DCC: variants seen among roughly 807,000 people sequenced by gnomAD.
DCC encodes the protein DCC netrin 1 receptor.
A neutral mutation model predicts 172.5 loss-of-function variants in DCC; 58 were observed. That is an observed-to-expected ratio of 0.34 (90% CI 0.27 to 0.42). DCC has a LOEUF of 0.42. Among genes scored for constraint, DCC ranks in the 10% least tolerant of loss-of-function variants. DCC has a pLI of 1.00. For missense variants in DCC, 1,740 were observed against 1,791.0 expected (o/e 0.97, Z 0.51); for synonymous variants, 709 against 644.5 (o/e 1.10, Z -1.52).
At chr18:52,649,269 A>C (rs960600285) in intron 1 of DCC, among the ~76,000 whole-genome samples, 1 of 151,002 alleles carries the variant, frequency 6.6e-6, no homozygotes, top group African/African-American at 2.4e-5. Flanking sequence ...GCTACTTGGG[A>C]GGCTGAGGCA....
rs192931308 is a variant in DCC at position 52,366,386 on chromosome 18, T to C, written c.91+25508T>C. On this transcript the variant is annotated intron_variant, in intron 1 of 28. Transcript: ENST00000442544. ...ACCCGAGCGGGTTGCCAATGCTGGCTCGGGCAGCCTGTTTTTATTCTCTTA... is the reference window on the plus strand; with the variant it reads ...ACCCGAGCGGGTTGCCAATGCTGGCCCGGGCAGCCTGTTTTTATTCTCTTA... 1.3e-3 allele frequency among the ~76,000 whole-genome samples: 195 copies of C among 152,312 alleles called. 1 individual carries two copies. The highest frequency in any genetic ancestry group is 4.4e-3 in the African/African-American group (184 of 41,572).
At chr18:53,081,523 A>G (rs1364462235) in intron 7 of DCC, among the ~76,000 whole-genome samples, 1 of 149,218 alleles carries the variant, frequency 6.7e-6, no homozygotes, top group East Asian at 1.9e-4. Flanking sequence ...ATTAAAAAGA[A>G]AAAAAAAAAG....
At chr18:52,774,270 C>T (rs1431300265) in intron 2 of DCC, among the ~76,000 whole-genome samples, 3 of 152,192 alleles carry the variant, frequency 2.0e-5, no homozygotes, top group Non-Finnish European at 2.9e-5. Context: ...GATTCTGGTG[C>T]ACACTCAAGT....
intron 14 of DCC, among the ~76,000 whole-genome samples, chr18:53,339,177 A>G (rs969350885): frequency 6.6e-6 from 1 of 152,200 alleles, no homozygotes; most frequent in East Asian, 1.9e-4. Flanking sequence ...TTAATAATAA[A>G]TGCATTTTTC....
intron 1 of DCC, among the ~76,000 whole-genome samples, chr18:52,596,880 G>A (rs1361613054): frequency 6.6e-6 from 1 of 152,138 alleles, no homozygotes; most frequent in East Asian, 1.9e-4. Flanking sequence ...AATGCCTTGG[G>A]CCATTCAGGA....
chr18:52,526,971 T>A (rs2032002178), intron 1 of DCC, among the ~76,000 whole-genome samples: 1 of 152,158 alleles, frequency 6.6e-6, no homozygotes, highest in African/African-American at 2.4e-5. Flanking sequence ...TGTTTAAATA[T>A]CCAAAGTCAC....
At position 53,511,948 on chromosome 18, in the gene DCC, C is replaced by T. The variant is rs569162347; in HGVS notation, c.4111+12438C>T. On this transcript the variant is annotated intron_variant, in intron 27 of 28. Coordinates refer to ENST00000442544, the MANE Select transcript of DCC (RefSeq NM_005215.4). Reference sequence around the variant, plus strand: ...AAACAAAGCAACCAGGAAGCTCGAACTGGGTGGAGCCCACCACAGCTCAAG... The same window carrying T: ...AAACAAAGCAACCAGGAAGCTCGAATTGGGTGGAGCCCACCACAGCTCAAG... Among the ~76,000 whole-genome samples the T allele has an allele frequency of 5.9e-5, 9 of 152,354 alleles. No individual in the cohort carries two copies. In the South Asian group the frequency reaches 1.9e-3, roughly 32 times the overall value.
chr18:52,743,986 A>G (rs1191760153), intron 1 of DCC, among the ~76,000 whole-genome samples: 15 of 152,210 alleles, frequency 9.9e-5, no homozygotes, highest in Admixed American at 9.2e-4. Flanking sequence ...ACTCTTCTCT[A>G]GATATGTGAC....
At chr18:53,178,224 A>G (rs530354036) in intron 8 of DCC, among the ~76,000 whole-genome samples, 10 of 152,344 alleles carry the variant, frequency 6.6e-5, no homozygotes, top group African/African-American at 1.4e-4. Context: ...GTCAGCATCC[A>G]TATCCAAACG....
intron 1 of DCC, among the ~76,000 whole-genome samples, chr18:52,709,337 CA>C: frequency 1.3e-5 from 2 of 152,222 alleles, no homozygotes; most frequent in Admixed American, 1.3e-4. Flanking sequence ...CCAAAATAAC[CA>C]TTTGGCTTTA....
At chr18:52,344,815 C>G (rs574908147) in intron 1 of DCC, among the ~76,000 whole-genome samples, 1 of 152,208 alleles carries the variant, frequency 6.6e-6, no homozygotes, top group Admixed American at 6.5e-5. Flanking sequence ...GTAAAGATAA[C>G]TATTTAAAGA....
intron 3 of DCC, among the ~76,000 whole-genome samples, chr18:52,910,105 C>G (rs1394154939): frequency 1.3e-5 from 2 of 152,084 alleles, no homozygotes; most frequent in African/African-American, 4.8e-5. Context: ...CTACAGCGCT[C>G]ATCCTGGAGA....
chr18:52,527,462 G>T (rs1162007893), intron 1 of DCC, among the ~76,000 whole-genome samples: 2 of 152,190 alleles, frequency 1.3e-5, no homozygotes, highest in African/African-American at 4.8e-5. Context: ...TTGAGTAATT[G>T]TTAAGCTTAA....
intron 8 of DCC, among the ~76,000 whole-genome samples, chr18:53,171,216 T>A (rs1337514073): frequency 6.6e-6 from 1 of 152,112 alleles, no homozygotes; most frequent in East Asian, 1.9e-4. Context: ...CTCCCTTTGA[T>A]ATGATAAGCA....
rs1007254809 is a variant in DCC, at chr18:52,692,435, C to T, written c.92-59619C>T. 3.3e-5 allele frequency among the ~76,000 whole-genome samples: 5 copies of T among 152,108 alleles called. No individual in the cohort carries two copies. In the South Asian group the frequency reaches 1.0e-3, roughly 32 times the overall value. On this transcript the variant is annotated intron_variant, in intron 1 of 28. Transcript: ENST00000442544. ...TTCTGAACTGATTTGTAGTCTCTCT[C>T]TGTATTTTATTTTATTTTATTTTGA...
At chr18:52,613,830 C>A (rs553579837) in intron 1 of DCC, among the ~76,000 whole-genome samples, 2 of 152,110 alleles carry the variant, frequency 1.3e-5, no homozygotes, top group Non-Finnish European at 2.9e-5. Flanking sequence ...AACGGACACA[C>A]GTTGGGTCCT....
At chr18:52,988,431 AATC>A (rs2041330434) in intron 5 of DCC, among the ~76,000 whole-genome samples, 1 of 152,156 alleles carries the variant, frequency 6.6e-6, no homozygotes, top group African/African-American at 2.4e-5. Context: ...ACATAAGAAA[AATC>A]ATTTCAAAGA....
chr18:53,092,356 T>C (rs2043026223), intron 7 of DCC, among the ~76,000 whole-genome samples: 1 of 152,148 alleles, frequency 6.6e-6, no homozygotes, highest in African/African-American at 2.4e-5. Context: ...TTGTCTTTCT[T>C]TCTATTTTGC....
chr18:52,863,029 T>G (rs572040572), intron 2 of DCC, among the ~76,000 whole-genome samples: 1 of 152,132 alleles, frequency 6.6e-6, no homozygotes, highest in Non-Finnish European at 1.5e-5. Context: ...CCAGAGAAGA[T>G]ATTCATAAAC....
Sources: allele counts gnomAD v4.1 joint callset (sites outside exome capture counted in the v4.1 genomes callset), GRCh38; gene constraint gnomAD v4.1.1; transcripts MANE v1.5; gene names NCBI Gene and HGNC (gene_info 2026-07-23, HGNC 2026-07-21).